Variants in SPTLC2 observed in about 807,000 individuals in gnomAD.
SPTLC2 encodes the protein serine palmitoyltransferase 2.
SPTLC2 carries 21 observed loss-of-function variants against 62.0 expected under a neutral mutation model. That is an observed-to-expected ratio of 0.34 (90% CI 0.24 to 0.49). The LOEUF is 0.49. Ranked by LOEUF, SPTLC2 falls within the 20% of genes least tolerant of loss-of-function variation. The pLI, the probability that SPTLC2 is intolerant of heterozygous loss-of-function variation, is 0.99. For synonymous variants in SPTLC2, 261 were observed against 261.8 expected (o/e 1.00, Z 0.03); for missense variants, 511 against 713.0 (o/e 0.72, Z 3.23).
intron 9 of SPTLC2, among the ~76,000 whole-genome samples, chr14:77,528,985 G>T (rs1432527691): frequency 6.6e-6 from 1 of 151,876 alleles, no homozygotes; most frequent in Non-Finnish European, 1.5e-5. Flanking sequence ...ACAGGCGCCC[G>T]CCACCATGCC....
chr14:77,542,137 A>G (rs1407225808), intron 9 of SPTLC2, among the ~76,000 whole-genome samples: 1 of 152,026 alleles, frequency 6.6e-6, no homozygotes, highest in Admixed American at 6.5e-5. Context: ...AGAAGGAAGT[A>G]GGGTGAGAGG....
At chr14:77,538,949 C>T (rs1399997143) in intron 9 of SPTLC2, among the ~76,000 whole-genome samples, 7 of 151,746 alleles carry the variant, frequency 4.6e-5, no homozygotes, top group Admixed American at 4.6e-4. Context: ...ATGGCTACAG[C>T]CAAGTCACTT....
intron 10 of SPTLC2, among the ~76,000 whole-genome samples, chr14:77,518,590 C>T: frequency 1.8e-5 from 1 of 56,260 alleles, no homozygotes; most frequent in African/African-American, 5.7e-5. Flanking sequence ...GAGCAAGGCT[C>T]TGTCTCAAAA....
At chr14:77,528,413 T>A (rs769492552) in intron 9 of SPTLC2, among the ~76,000 whole-genome samples, 1 of 152,102 alleles carries the variant, frequency 6.6e-6, no homozygotes, top group African/African-American at 2.4e-5. Context: ...GTATTTTTAG[T>A]AGAGACGGGG....
chr14:77,509,585 G>T lies in SPTLC2; in HGVS notation c.*2699C>A, dbSNP rs142877874. On this transcript the variant is annotated 3_prime_UTR_variant, in exon 12 of 12. Coordinates refer to ENST00000216484, the MANE Select transcript of SPTLC2 (RefSeq NM_004863.4). ...CTATCAGAGTCTTGAATCAGGCCGT[G>T]TTAAACTGTGTAAGAAACTACTCTT... The T allele has an allele frequency of 5.9e-3, 1,641 of 277,818 alleles. 9 individuals are homozygous for T. The highest frequency in any genetic ancestry group is 0.018 in the Middle Eastern group (17 of 966). The allele number at this position is 277,818 out of a possible 1,614,324, so 17.2% of individuals were successfully genotyped here.
At chr14:77,556,995 T>G in intron 7 of SPTLC2, 46 bp downstream of exon 7, 1 of 1,542,710 alleles carries the variant, frequency 6.5e-7, no homozygotes, top group Non-Finnish European at 9.0e-7. Context: ...ATTCTATGAC[T>G]TCATGGGGCC....
At chr14:77,574,838 TA>T (rs35223746) in intron 4 of SPTLC2, among the ~76,000 whole-genome samples, 10,423 of 152,190 alleles carry the variant, frequency 0.068, 409 homozygotes, top group Non-Finnish European at 0.095. Flanking sequence ...CAAGGACTTG[TA>T]GGGGGAAGGG....
At chr14:77,529,379 GT>G (rs67504382) in intron 9 of SPTLC2, among the ~76,000 whole-genome samples, 23,955 of 149,602 alleles carry the variant, frequency 0.16, 2,096 homozygotes, top group Middle Eastern at 0.24. Flanking sequence ...CTTTGCCTGC[GT>G]TGTGTGTCTC....
chr14:77,603,752 G>C (rs937698211), intron 1 of SPTLC2, among the ~76,000 whole-genome samples: 7 of 152,152 alleles, frequency 4.6e-5, no homozygotes, highest in African/African-American at 1.4e-4. Flanking sequence ...ATATGGAGTG[G>C]AACATTTCCA....
Position 77,559,438 on chromosome 14 carries a change from C to T in SPTLC2, c.851-2292G>A, listed in dbSNP as rs1423868803. On this transcript the variant is annotated intron_variant, in intron 6 of 11. Transcript: ENST00000216484. ...ACATAAATTTAAATAAAAAATATAT[C>T]GCAAAACTCCCAGAAGAAAACATGA... Among the ~76,000 whole-genome samples the T allele has an allele frequency of 1.3e-5, 2 of 152,106 alleles. 1 individual carries two copies. Among genetic ancestry groups the T allele is most frequent in the South Asian group, 4.1e-4 (2 of 4,834 alleles).
intron 5 of SPTLC2, 103 bp downstream of exon 5, chr14:77,570,281 G>A: frequency 8.2e-7 from 1 of 1,220,674 alleles, no homozygotes; most frequent in Admixed American, 1.8e-5. Flanking sequence ...GCTAAACTAT[G>A]TTTAGCCTAA....
intron 9 of SPTLC2, among the ~76,000 whole-genome samples, chr14:77,543,060 T>C (rs2079509912): frequency 2.0e-5 from 3 of 152,198 alleles, no homozygotes; most frequent in Non-Finnish European, 4.4e-5. Context: ...TTTTGTTTGT[T>C]TGTTTTTGAG....
intron 1 of SPTLC2, among the ~76,000 whole-genome samples, chr14:77,600,958 A>T (rs10873309): frequency 0.43 from 65,901 of 151,744 alleles, 14,659 homozygotes; most frequent in East Asian, 0.64. Context: ...CAAAGCAATA[A>T]TGGGAAAGTA....
intron 1 of SPTLC2, among the ~76,000 whole-genome samples, chr14:77,616,066 A>G (rs1454673677): frequency 1.3e-5 from 2 of 152,214 alleles, no homozygotes; most frequent in Admixed American, 6.5e-5. Flanking sequence ...AAAGGAAGCA[A>G]TAACCTCAGG....
intron 2 of SPTLC2, among the ~76,000 whole-genome samples, chr14:77,585,889 A>G (rs1299176835): frequency 6.6e-6 from 1 of 152,174 alleles, no homozygotes; most frequent in African/African-American, 2.4e-5. Context: ...TAAACCTCAT[A>G]CCTTATACAA....
At chr14:77,544,315 G>T (rs1408927819) in intron 9 of SPTLC2, among the ~76,000 whole-genome samples, 2 of 152,148 alleles carry the variant, frequency 1.3e-5, no homozygotes, top group African/African-American at 4.8e-5. Flanking sequence ...ACCATATCCA[G>T]CCTAAGGTTT....
At chr14:77,543,674 T>G (rs913902482) in intron 9 of SPTLC2, among the ~76,000 whole-genome samples, 1 of 152,172 alleles carries the variant, frequency 6.6e-6, no homozygotes, top group African/African-American at 2.4e-5. Flanking sequence ...AAATAATTAA[T>G]TCCAACTAGC....
intron 2 of SPTLC2, 81 bp downstream of exon 2, chr14:77,597,105 G>A (rs2079851537): frequency 1.4e-6 from 2 of 1,439,580 alleles, no homozygotes; most frequent in South Asian, 1.3e-5. Context: ...CCAAATTTCT[G>A]AGAAAAAGCT....
At chr14:77,578,877 A>T in intron 3 of SPTLC2, 78 bp downstream of exon 3, 3 of 1,504,292 alleles carry the variant, frequency 2.0e-6, no homozygotes, top group Non-Finnish European at 2.8e-6. Context: ...GAGAATACTC[A>T]ATTTATAATA....
Sources: allele counts gnomAD v4.1 joint callset (sites outside exome capture counted in the v4.1 genomes callset), GRCh38; gene constraint gnomAD v4.1.1; transcripts MANE v1.5; gene names NCBI Gene and HGNC (gene_info 2026-07-23, HGNC 2026-07-21).